ADCY8: variants seen among roughly 807,000 people sequenced by gnomAD.
ADCY8 encodes adenylate cyclase type 8.
ADCY8 carries 51 observed loss-of-function variants against 119.7 expected under a neutral mutation model. The observed-to-expected ratio is 0.43, with a 90% CI of 0.34 to 0.54. ADCY8 has a LOEUF of 0.54. ADCY8 is among the 20% of genes least tolerant of loss of function. ADCY8 has a pLI of 0.03. For synonymous variants in ADCY8, 665 were observed against 651.0 expected, an observed-to-expected ratio of 1.02 and a Z score of -0.33; for missense variants, 1,383 against 1,598.8, an observed-to-expected ratio of 0.87 and a Z score of 2.30.
intron 15 of ADCY8, among the ~76,000 whole-genome samples, chr8:130,799,440 G>T (rs1815694492): frequency 6.6e-6 from 1 of 152,186 alleles, no homozygotes; most frequent in South Asian, 2.1e-4. Context: ...TCAGAAGCTG[G>T]ATTGAATGTA....
intron 14 of ADCY8, among the ~76,000 whole-genome samples, chr8:130,805,318 T>C (rs1049915173): frequency 1.3e-5 from 2 of 152,174 alleles, no homozygotes; most frequent in Non-Finnish European, 2.9e-5. Context: ...TGTTATGACG[T>C]AGAGCTGAAA....
intron 9 of ADCY8, among the ~76,000 whole-genome samples, chr8:130,852,087 G>A (rs899044946): frequency 1.3e-5 from 2 of 152,172 alleles, no homozygotes; most frequent in African/African-American, 2.4e-5. Context: ...TTTATGAAGT[G>A]TGGTTAGATA....
At chr8:130,821,196 T>C (rs1563678559) in intron 13 of ADCY8, 146 bp downstream of exon 13, 2 of 592,972 alleles carry the variant, frequency 3.4e-6, no homozygotes, top group Admixed American at 5.9e-5. Flanking sequence ...TTTCATTAGG[T>C]GGTCTTTATT....
At chr8:130,786,320 T>A (rs1815247174) in intron 15 of ADCY8, among the ~76,000 whole-genome samples, 1 of 152,198 alleles carries the variant, frequency 6.6e-6, no homozygotes, top group Non-Finnish European at 1.5e-5. Flanking sequence ...TTCCTTTACC[T>A]TTACCTGTGG....
chr8:130,831,160 G>T (rs933134641), intron 12 of ADCY8, among the ~76,000 whole-genome samples: 10 of 152,146 alleles, frequency 6.6e-5, no homozygotes, highest in Non-Finnish European at 1.5e-4. Flanking sequence ...AAATCTTAAG[G>T]GTTGTGAATG....
intron 15 of ADCY8, among the ~76,000 whole-genome samples, chr8:130,795,487 C>T (rs567414313): frequency 6.6e-6 from 1 of 152,336 alleles, no homozygotes; most frequent in South Asian, 2.1e-4. Flanking sequence ...AAAACTCAAA[C>T]CTCACTGATT....
At chr8:130,846,581 C>G (rs1236003382) in intron 11 of ADCY8, among the ~76,000 whole-genome samples, 1 of 124,148 alleles carries the variant, frequency 8.1e-6, no homozygotes, top group Non-Finnish European at 1.6e-5. Flanking sequence ...CCCCTTCTTC[C>G]CCTCCCTCCC....
intron 14 of ADCY8, among the ~76,000 whole-genome samples, chr8:130,805,001 C>T (rs1327944972): frequency 6.6e-6 from 1 of 152,196 alleles, no homozygotes; most frequent in Non-Finnish European, 1.5e-5. Context: ...CCCACCTAGG[C>T]CTCCCAAAGT....
intron 2 of ADCY8, among the ~76,000 whole-genome samples, chr8:130,963,031 CAA>C (rs1428904933): frequency 6.6e-6 from 1 of 151,658 alleles, no homozygotes; most frequent in Non-Finnish European, 1.5e-5. Flanking sequence ...TACTGAAAAT[CAA>C]AGAGTTTAAG....
In ADCY8 at chr8:130,881,822, A is replaced by T. The variant is rs115023942; in HGVS notation, c.2109+2742T>A. On this transcript the variant is annotated intron_variant, in intron 8 of 17. Coordinates refer to ENST00000286355, the MANE Select transcript of ADCY8 (RefSeq NM_001115.3). ...CACCAGGTGGCAATATCAACCCAGGATCATTTTAAATTAAATTCTCTGATA... is the reference window on the plus strand; with the variant it reads ...CACCAGGTGGCAATATCAACCCAGGTTCATTTTAAATTAAATTCTCTGATA... Among the ~76,000 whole-genome samples, 743 of 151,216 alleles carry T rather than the reference A, an allele frequency of 4.9e-3. 7 individuals carry two copies. The highest frequency in any genetic ancestry group is 0.017 in the African/African-American group (713 of 41,252).
chr8:130,978,391 A>C (rs1388659846), intron 2 of ADCY8, among the ~76,000 whole-genome samples: 2 of 152,200 alleles, frequency 1.3e-5, no homozygotes, highest in Non-Finnish European at 2.9e-5. Flanking sequence ...GTTGGATATG[A>C]AAATTCATCA....
At chr8:131,015,254 T>A (rs1823434517) in intron 1 of ADCY8, among the ~76,000 whole-genome samples, 1 of 152,210 alleles carries the variant, frequency 6.6e-6, no homozygotes, top group African/African-American at 2.4e-5. Context: ...TAACATTTTA[T>A]TTGCCTTGAT....
At chr8:130,935,524 C>T (rs1820757398) in intron 5 of ADCY8, 1 of 152,298 alleles carries the variant, frequency 6.6e-6, no homozygotes, top group African/African-American at 2.4e-5. Flanking sequence ...AGTCCACCTC[C>T]CTGTGCCTGG....
intron 1 of ADCY8, among the ~76,000 whole-genome samples, chr8:131,008,488 A>C (rs529763384): frequency 6.6e-6 from 1 of 152,124 alleles, no homozygotes; most frequent in East Asian, 1.9e-4. Flanking sequence ...AGTGCCTTAC[A>C]CTATAATTGT....
intron 4 of ADCY8, among the ~76,000 whole-genome samples, chr8:130,942,234 G>C (rs556545801): frequency 7.9e-5 from 12 of 152,284 alleles, no homozygotes; most frequent in African/African-American, 2.6e-4. Flanking sequence ...GGTGTTGCAC[G>C]TAAGAGTGGA....
intron 5 of ADCY8, among the ~76,000 whole-genome samples, chr8:130,918,831 C>T (rs750275216): frequency 7.9e-5 from 12 of 152,178 alleles, no homozygotes; most frequent in Admixed American, 2.6e-4. Flanking sequence ...AAGGCCAAGG[C>T]GGGCAGATCG....
intron 11 of ADCY8, among the ~76,000 whole-genome samples, chr8:130,840,601 C>T (rs1351139182): frequency 6.6e-6 from 1 of 152,096 alleles, no homozygotes; most frequent in African/African-American, 2.4e-5. Flanking sequence ...TACAAGAATG[C>T]AAAATATGTC....
intron 1 of ADCY8, among the ~76,000 whole-genome samples, chr8:131,013,287 G>T (rs1350320519): frequency 2.0e-5 from 3 of 152,092 alleles, no homozygotes; most frequent in Non-Finnish European, 4.4e-5. Context: ...AAATGAAGAG[G>T]AGTGGACCAA....
intron 7 of ADCY8, among the ~76,000 whole-genome samples, chr8:130,903,387 G>A (rs377021486): frequency 4.0e-5 from 6 of 150,566 alleles, no homozygotes; most frequent in African/African-American, 1.2e-4. Context: ...GCCAGCTACC[G>A]AAAAAGGGGC....
Sources: gnomAD v4.1 joint callset for allele counts (sites outside exome capture counted in the v4.1 genomes callset) on GRCh38, gnomAD v4.1.1 for gene constraint, MANE v1.5 for transcripts, NCBI Gene and HGNC (gene_info 2026-07-23, HGNC 2026-07-21) for gene names.